KCTD16: variants seen among roughly 807,000 people sequenced by gnomAD.
The protein encoded by KCTD16 is BTB/POZ domain-containing protein KCTD16.
Under a neutral mutation model 33.2 loss-of-function variants are expected in KCTD16, and 13 were observed. The observed-to-expected ratio is 0.39, with a 90% CI of 0.25 to 0.62. The LOEUF (loss-of-function observed/expected upper bound fraction) is 0.62. Ranked by LOEUF, KCTD16 falls within the 20% of genes least tolerant of loss-of-function variation. KCTD16 has a pLI of 0.50. For synonymous variants in KCTD16, 197 were observed against 195.3 expected, an observed-to-expected ratio of 1.01 and a Z score of -0.07; for missense variants, 441 against 525.1, an observed-to-expected ratio of 0.84 and a Z score of 1.57.
chr5:144,285,038 A>G (rs140738983), intron 3 of KCTD16, among the ~76,000 whole-genome samples: 5 of 152,306 alleles, frequency 3.3e-5, no homozygotes, highest in African/African-American at 1.2e-4. Context: ...ATTGCTTCAC[A>G]AAAGATCTAG....
At chr5:144,301,377 G>C (rs1178161604) in intron 3 of KCTD16, among the ~76,000 whole-genome samples, 2 of 152,054 alleles carry the variant, frequency 1.3e-5, no homozygotes, top group African/African-American at 4.8e-5. Flanking sequence ...AATTGAGTAA[G>C]ACCAGAGGTA....
rs936374499 is a variant in KCTD16, at chr5:144,481,569, A to G, written c.*7455A>G. The G allele has an allele frequency of 3.3e-5, 5 of 151,986 alleles. No homozygotes were observed. Among genetic ancestry groups the G allele is most frequent in the Admixed American group, 1.3e-4 (2 of 15,210 alleles). 9.4% of individuals were successfully genotyped at this position (151,986 alleles called of 1,614,324 possible). On this transcript the variant is annotated 3_prime_UTR_variant, in exon 4 of 4. Transcript: ENST00000512467. ...TGACATTTTTCTTTTAATGTATCAT[A>G]CCAATATCCCAGGGATGGAATTATG...
At chr5:144,216,967 G>C (rs1168273300) in intron 3 of KCTD16, among the ~76,000 whole-genome samples, 1 of 152,128 alleles carries the variant, frequency 6.6e-6, no homozygotes. Context: ...AGCTCTGGTA[G>C]TGGTAACTTT....
chr5:144,387,798 C>T (rs900486192), intron 3 of KCTD16, among the ~76,000 whole-genome samples: 7 of 152,250 alleles, frequency 4.6e-5, no homozygotes, highest in Middle Eastern at 3.4e-3. Flanking sequence ...CACAGCTCTA[C>T]TGTCCAGCCT....
chr5:144,223,459 GC>G (rs1388647890), intron 3 of KCTD16, among the ~76,000 whole-genome samples: 1 of 152,070 alleles, frequency 6.6e-6, no homozygotes, highest in Non-Finnish European at 1.5e-5. Flanking sequence ...GGTAGCATCA[GC>G]CCTATATTTT....
intron 3 of KCTD16, among the ~76,000 whole-genome samples, chr5:144,321,332 G>A (rs143366096): frequency 6.6e-6 from 1 of 152,066 alleles, no homozygotes; most frequent in African/African-American, 2.4e-5. Flanking sequence ...TGTATTCCTA[G>A]TCTCCATTCT....
At chr5:144,434,062 A>G (rs1197686507) in intron 3 of KCTD16, among the ~76,000 whole-genome samples, 1 of 152,154 alleles carries the variant, frequency 6.6e-6, no homozygotes, top group African/African-American at 2.4e-5. Context: ...ACTTCCTAGC[A>G]CACTGAAAGC....
intron 3 of KCTD16, among the ~76,000 whole-genome samples, chr5:144,363,500 A>C (rs1175709916): frequency 6.6e-6 from 1 of 151,960 alleles, no homozygotes; most frequent in Non-Finnish European, 1.5e-5. Context: ...GGAGCTCTCT[A>C]ACCAGGCATA....
intron 3 of KCTD16, among the ~76,000 whole-genome samples, chr5:144,310,688 T>A (rs768959393): frequency 6.6e-6 from 1 of 152,132 alleles, no homozygotes; most frequent in Non-Finnish European, 1.5e-5. Flanking sequence ...TTCTCAAACA[T>A]ACAGAGCTGT....
At chr5:144,460,925 T>C (rs1754179432) in intron 3 of KCTD16, among the ~76,000 whole-genome samples, 1 of 152,206 alleles carries the variant, frequency 6.6e-6, no homozygotes, top group African/African-American at 2.4e-5. Flanking sequence ...CCAGATACCA[T>C]GATTTCTCTT....
intron 3 of KCTD16, among the ~76,000 whole-genome samples, chr5:144,444,740 C>T (rs1443893818): frequency 1.3e-5 from 2 of 151,552 alleles, no homozygotes; most frequent in Non-Finnish European, 2.9e-5. Flanking sequence ...AAGACACATG[C>T]TTTCCTCTCC....
intron 2 of KCTD16, among the ~76,000 whole-genome samples, chr5:144,176,777 T>C (rs1752520503): frequency 1.3e-5 from 2 of 152,242 alleles, no homozygotes; most frequent in South Asian, 4.1e-4. Flanking sequence ...TAAAAATTAC[T>C]GCAAGCGTGA....
In KCTD16 at chr5:144,346,707, G is replaced by C. The variant is rs142400862; in HGVS notation, c.833-126953G>C. 3.6e-3 allele frequency among the ~76,000 whole-genome samples: 544 copies of C among 152,194 alleles called. 2 individuals carry two copies. The highest frequency in any genetic ancestry group is 5.2e-3 in the Non-Finnish European group (355 of 67,994). On this transcript the variant is annotated intron_variant, in intron 3 of 3. Transcript: ENST00000512467. ...TTGACCATTTTTGATTGGATTATTA[G>C]ACTTTTCCCTATAGAGTTATTTGAG... is the stretch of plus-strand genomic sequence containing the variant.
chr5:144,443,963 A>G (rs1561610213), intron 3 of KCTD16, among the ~76,000 whole-genome samples: 1 of 152,050 alleles, frequency 6.6e-6, no homozygotes, highest in East Asian at 1.9e-4. Context: ...GACTTTGGTA[A>G]TTTTTGATAA....
chr5:144,255,404 C>T (rs1754817933), intron 3 of KCTD16, among the ~76,000 whole-genome samples: 1 of 151,896 alleles, frequency 6.6e-6, no homozygotes, highest in Non-Finnish European at 1.5e-5. Flanking sequence ...TTAGGGGAAC[C>T]TCCATTCCAT....
rs148474129 is a variant in KCTD16, at chr5:144,473,807, C to T, written c.980C>T (p.Thr327Met). 5.0e-6 allele frequency: 8 copies of T among 1,614,114 alleles called. No homozygotes were observed. The highest frequency in any genetic ancestry group is 3.3e-5 in the South Asian group (3 of 91,072). ...TCTGAGGCCAGCTCTCCCCAGGAGA[C>T]GGTCATCTGTGGTCCCGTGACACGC... ...SQSEASSPQE[T>M]VICGPVTRQT... The change falls in exon 4 of 4, where the codon ACG becomes ATG. Residue 327 changes from threonine to methionine, a missense_variant. Coordinates refer to ENST00000512467, the MANE Select transcript of KCTD16 (RefSeq NM_020768.4).
At chr5:144,332,234 T>G (rs1281677633) in intron 3 of KCTD16, among the ~76,000 whole-genome samples, 1 of 152,122 alleles carries the variant, frequency 6.6e-6, no homozygotes, top group Non-Finnish European at 1.5e-5. Flanking sequence ...AAGTAATGAT[T>G]GACTTGATAA....
intron 3 of KCTD16, among the ~76,000 whole-genome samples, chr5:144,435,849 G>A (rs1179186595): frequency 6.6e-6 from 1 of 151,860 alleles, no homozygotes; most frequent in Admixed American, 6.6e-5. Flanking sequence ...GTGTATGTGT[G>A]TGTGTGTGTA....
chr5:144,368,562 T>A (rs1751891106), intron 3 of KCTD16, among the ~76,000 whole-genome samples: 1 of 152,174 alleles, frequency 6.6e-6, no homozygotes. Flanking sequence ...GGAATCAAGT[T>A]GTCTCCCAAA....
Sources: gnomAD v4.1 joint callset for allele counts (sites outside exome capture counted in the v4.1 genomes callset) on GRCh38, gnomAD v4.1.1 for gene constraint, MANE v1.5 for transcripts, NCBI Gene and HGNC (gene_info 2026-07-23, HGNC 2026-07-21) for gene names.